The following MAJIN variants were observed in gnomAD, a reference collection of about 807,000 sequenced individuals.
MAJIN encodes membrane-anchored junction protein.
A neutral mutation model predicts 30.2 loss-of-function variants in MAJIN; 27 were observed. That is an observed-to-expected ratio of 0.89 (90% confidence interval 0.66 to 1.23). The LOEUF is 1.23. Among genes scored for constraint, MAJIN ranks in the 50% most tolerant of loss-of-function variants. MAJIN has a pLI of 0.00. For synonymous variants in MAJIN, 78 were observed against 91.6 expected, an observed-to-expected ratio of 0.85 and a Z score of 0.85; for missense variants, 253 against 260.3, an observed-to-expected ratio of 0.97 and a Z score of 0.19.
rs1312403426 is a variant in MAJIN, at chr11:64,954,540, A to C, written c.147+217T>G. ...GTGAAAACAAAAAGCTCTCAGCCTC[A>C]AAGGTGCTGACATTTCAACTAGGAA... On this transcript the variant is annotated intron_variant, in intron 4 of 10. Coordinates refer to ENST00000301896, the MANE Select transcript of MAJIN (RefSeq NM_001037225.3). 1.4e-5 allele frequency: 9 copies of C among 665,690 alleles called. 1 individual carries two copies. The South Asian group carries it at 1.4e-4, about 10-fold the overall frequency. The allele number at this position is 665,690 out of a possible 1,614,324, so 41.2% of individuals were successfully genotyped here.
intron 10 of MAJIN, among the ~76,000 whole-genome samples, chr11:64,939,390 C>T (rs1003324316): frequency 1.3e-5 from 2 of 152,184 alleles, no homozygotes; most frequent in Middle Eastern, 3.2e-3. Context: ...ATGAGCCACC[C>T]GGCCTGGCCC....
intron 8 of MAJIN, 129 bp from the exon 9 acceptor site, chr11:64,940,775 T>G (rs188625866): frequency 4.8e-5 from 34 of 705,046 alleles, no homozygotes; most frequent in Admixed American, 1.0e-4. Flanking sequence ...CTAGACAGGT[T>G]CTATATTTCT....
At chr11:64,961,455 C>A (rs1399234306) in intron 1 of MAJIN, among the ~76,000 whole-genome samples, 1 of 146,212 alleles carries the variant, frequency 6.8e-6, no homozygotes, top group Non-Finnish European at 1.5e-5. Context: ...GCATGACCCA[C>A]TGTGCCCGGC....
intron 6 of MAJIN, among the ~76,000 whole-genome samples, chr11:64,948,548 G>T (rs1945486233): frequency 8.3e-6 from 1 of 119,802 alleles, no homozygotes; most frequent in Non-Finnish European, 1.6e-5. Context: ...TCCTCCCTCA[G>T]CCTCCAGAGT....
chr11:64,943,063 T>G (rs1170126824), intron 8 of MAJIN, among the ~76,000 whole-genome samples: 6 of 152,046 alleles, frequency 3.9e-5, no homozygotes, highest in Non-Finnish European at 8.8e-5. Context: ...AGAGAAAACA[T>G]TATAGCTGGA....
Position 64,969,366 on chromosome 11 carries a change from T to C in MAJIN, c.-65+2511A>G, listed in dbSNP as rs117140027. 3.0e-4 allele frequency among the ~76,000 whole-genome samples: 45 copies of C among 151,558 alleles called. No individual in the cohort carries two copies. The East Asian group carries it at 4.3e-3, about 14-fold the overall frequency. On this transcript the variant is annotated intron_variant, in intron 1 of 10. Transcript: ENST00000301896. ...GATGAGATCATCCAGGAAGAAATTA[T>C]AGAGAAGGGATGAGGGCCTTCCTTA...
intron 1 of MAJIN, among the ~76,000 whole-genome samples, chr11:64,963,311 T>C (rs989387980): frequency 6.6e-6 from 1 of 152,216 alleles, no homozygotes; most frequent in African/African-American, 2.4e-5. Flanking sequence ...TAGGGACTGA[T>C]GTTTGAAGGA....
chr11:64,956,924 G>A (rs927834510), intron 3 of MAJIN, among the ~76,000 whole-genome samples: 3 of 151,788 alleles, frequency 2.0e-5, no homozygotes, highest in South Asian at 2.1e-4. Context: ...CCGCCATCAC[G>A]CCTCGCTAAT....
At chr11:64,946,071 G>C (rs1267335519) in intron 8 of MAJIN, 8 of 1,525,626 alleles carry the variant, frequency 5.2e-6, no homozygotes, top group Non-Finnish European at 6.1e-6. Flanking sequence ...TAGTACTAAG[G>C]CTCCATTTTA....
At chr11:64,940,835 C>CTTTTTTTTTTTTTTTTT (rs1168979344) in intron 8 of MAJIN, among the ~76,000 whole-genome samples, 189 bp from the exon 9 acceptor site, 30 of 88,564 alleles carry the variant, frequency 3.4e-4, no homozygotes, top group Middle Eastern at 8.5e-3. Context: ...TTTTTTCTTT[C>CTTTTTTTTTTTTTTTTT]TTTTTTTTTT....
At chr11:64,959,170 C>A in intron 3 of MAJIN, 135 bp downstream of exon 3, 4 of 559,436 alleles carry the variant, frequency 7.2e-6, no homozygotes, top group Non-Finnish European at 1.3e-5. Flanking sequence ...TATAAAATTC[C>A]TGGGAAAGAC....
intron 6 of MAJIN, among the ~76,000 whole-genome samples, chr11:64,948,659 T>A (rs1945500873): frequency 6.2e-5 from 5 of 80,578 alleles, no homozygotes; most frequent in African/African-American, 2.5e-4. Context: ...TTTTTTTTTT[T>A]TTTTTTTTTT....
At position 64,963,404 on chromosome 11, in the gene MAJIN, A is replaced by G. The variant is rs535294763; in HGVS notation, c.-64-3269T>C. The stretch of plus-strand genomic sequence containing the variant: ...AGAACCTGAAGCAGGGCCAAATGCT[A>G]TATGAGGATAATAATATTGACTACT... On this transcript the variant is annotated intron_variant, in intron 1 of 10. Transcript: ENST00000301896. Among the ~76,000 whole-genome samples, 114 of 152,348 alleles carry G rather than the reference A, an allele frequency of 7.5e-4. 1 individual carries two copies. Among genetic ancestry groups the G allele is most frequent in the Middle Eastern group, 6.8e-3 (2 of 294 alleles).
intron 8 of MAJIN, among the ~76,000 whole-genome samples, chr11:64,941,678 T>C (rs1311878534): frequency 2.0e-5 from 3 of 151,386 alleles, no homozygotes; most frequent in Non-Finnish European, 4.4e-5. Flanking sequence ...AAACAAAGAG[T>C]GTGATAAGAC....
intron 3 of MAJIN, among the ~76,000 whole-genome samples, chr11:64,956,763 G>GTTTTTTTT: frequency 9.8e-6 from 1 of 102,504 alleles, no homozygotes; most frequent in Non-Finnish European, 1.9e-5. Flanking sequence ...CATATAAGCT[G>GTTTTTTTT]TTTTTTTTTT....
intron 1 of MAJIN, among the ~76,000 whole-genome samples, chr11:64,962,332 T>G (rs1442377202): frequency 6.6e-6 from 1 of 152,216 alleles, no homozygotes; most frequent in Non-Finnish European, 1.5e-5. Flanking sequence ...TTACCTCATT[T>G]GAAAATAAAG....
intron 8 of MAJIN, among the ~76,000 whole-genome samples, chr11:64,945,336 C>T (rs1590691682): frequency 2.0e-5 from 3 of 151,602 alleles, no homozygotes; most frequent in Non-Finnish European, 4.4e-5. Flanking sequence ...CCAGCCTGGG[C>T]GACAGAGCGA....
chr11:64,960,962 T>C (rs562638466), intron 1 of MAJIN, among the ~76,000 whole-genome samples: 1 of 152,280 alleles, frequency 6.6e-6, no homozygotes, highest in South Asian at 2.1e-4. Context: ...TTGTGCCAAC[T>C]GCAAAGTCCC....
rs374708798 is a variant in MAJIN at position 64,938,319 on chromosome 11, A to G, written c.*256T>C. The G allele has an allele frequency of 8.9e-6, 5 of 564,812 alleles. No homozygotes were observed. Among genetic ancestry groups the G allele is most frequent in the Admixed American group, 3.1e-5 (1 of 32,662 alleles). The allele number at this position is 564,812 out of a possible 1,614,324, so 35.0% of individuals were successfully genotyped here. A position where few individuals can be genotyped will look rare whatever the true frequency, so the allele number is the denominator to read the frequency against. On this transcript the variant is annotated 3_prime_UTR_variant, in exon 11 of 11. Transcript: ENST00000301896. ...GGCCCTCAGGACATGAACATTTTAG[A>G]AAGTTCCATTCTTAATGTTTTAAAT... is the stretch of plus-strand genomic sequence containing the variant.
Sources: allele counts gnomAD v4.1 joint callset (sites outside exome capture counted in the v4.1 genomes callset), GRCh38; gene constraint gnomAD v4.1.1; transcripts MANE v1.5; gene names NCBI Gene and HGNC (gene_info 2026-07-23, HGNC 2026-07-21).